The following SIRT6 variants were observed in gnomAD, a reference collection of about 807,000 sequenced individuals.
SIRT6 encodes the protein NAD-dependent protein deacylase sirtuin-6.
Under a neutral mutation model 33.6 loss-of-function variants are expected in SIRT6, and 21 were observed. The ratio of observed to expected loss-of-function variants is 0.62; its 90% confidence interval spans 0.44 to 0.90. SIRT6 has a LOEUF of 0.90. SIRT6 is among the 40% of genes least tolerant of loss of function. The pLI is 0.00. For synonymous variants in SIRT6, 221 were observed against 223.9 expected (o/e 0.99, Z 0.12); for missense variants, 504 against 510.6 (o/e 0.99, Z 0.12).
intron 3 of SIRT6, among the ~76,000 whole-genome samples, chr19:4,177,750 C>T (rs374822319): frequency 5.0e-4 from 76 of 152,030 alleles, no homozygotes; most frequent in African/African-American, 1.7e-3. Flanking sequence ...GCCACCACGC[C>T]GGGCTAATTT....
At chr19:4,179,783 G>A (rs967812958) in intron 2 of SIRT6, among the ~76,000 whole-genome samples, 5 of 152,234 alleles carry the variant, frequency 3.3e-5, no homozygotes, top group Non-Finnish European at 4.4e-5. Flanking sequence ...TGGAGGTGGG[G>A]GCCCTGGGGC....
Position 4,174,919 on chromosome 19 carries a change from C to T in SIRT6, c.766G>A (p.Gly256Ser). The change falls in exon 8 of 8, where the codon GGC (glycine) becomes AGC (serine). Residue 256 changes from glycine to serine, a missense_variant. Physicochemically the swap from Gly to Ser is moderately conservative, Grantham distance 56. Transcript: ENST00000337491. The surrounding 1 kb of genome is among the most constrained non-coding windows in gnomAD (Gnocchi z 4.2). Reference protein sequence around the residue: ...HDRHADLRIHGYVDEVMTRLM... With the variant: ...HDRHADLRIHSYVDEVMTRLM... The stretch of plus-strand genomic sequence containing the variant: ...CGGGTCATGACCTCGTCAACGTAGC[C>T]ATGGATGCGGAGGTCAGCATGGCGG... 1 of 1,606,402 alleles carries T rather than the reference C, an allele frequency of 6.2e-7. No individual in the cohort carries two copies. The highest frequency in any genetic ancestry group is 8.5e-7 in the Non-Finnish European group (1 of 1,179,732).
intron 4 of SIRT6, among the ~76,000 whole-genome samples, chr19:4,176,748 C>T (rs1967325271): frequency 6.6e-6 from 1 of 152,152 alleles, no homozygotes; most frequent in Non-Finnish European, 1.5e-5. Context: ...TTTTGGACTT[C>T]TGGTCCCCAG....
chr19:4,181,605 G>A (rs1296811711), intron 1 of SIRT6, among the ~76,000 whole-genome samples: 1 of 152,150 alleles, frequency 6.6e-6, no homozygotes, highest in African/African-American at 2.4e-5. Flanking sequence ...TGGCCAACAT[G>A]GTGAAACCCC....
intron 3 of SIRT6, among the ~76,000 whole-genome samples, chr19:4,177,965 C>T (rs561297105): frequency 1.3e-4 from 20 of 151,952 alleles, no homozygotes; most frequent in African/African-American, 3.9e-4. Flanking sequence ...CCTCATGATC[C>T]GCCCGCCTTG....
At chr19:4,181,088 G>C (rs973151749) in intron 1 of SIRT6, among the ~76,000 whole-genome samples, 179 bp from the exon 2 acceptor site, 3 of 152,146 alleles carry the variant, frequency 2.0e-5, no homozygotes, top group Non-Finnish European at 4.4e-5. Flanking sequence ...CACCTGCCTT[G>C]TCAAAGCCCT....
chr19:4,175,996 C>T (rs1239495975), intron 4 of SIRT6, 59 bp from the exon 5 acceptor site: 3 of 1,468,640 alleles, frequency 2.0e-6, no homozygotes, highest in African/African-American at 2.8e-5. Context: ...GTGACTCTCG[C>T]ACTGTTTCTA....
chr19:4,174,653 G>A lies in SIRT6; in HGVS notation c.1032C>T (p.Pro344=). ...ERPTSPAPHR[P]PKRVKAKAVP... ...CCGCCTTGGCCTTCACCCTTTTGGGGGGTCTGTGGGGGGCAGGGCTGGTGG... is the reference window on the plus strand; with the variant it reads ...CCGCCTTGGCCTTCACCCTTTTGGGAGGTCTGTGGGGGGCAGGGCTGGTGG... The change falls in exon 8 of 8, where the codon CCC becomes CCT. Residue 344 remains proline (P), a synonymous_variant. Transcript: ENST00000337491. The surrounding 1 kb of genome is among the most constrained non-coding windows in gnomAD (Gnocchi z 4.2). The A allele has an allele frequency of 6.9e-7, 1 of 1,452,372 alleles. No individual in the cohort carries two copies. Among genetic ancestry groups the A allele is most frequent in the Non-Finnish European group, 9.1e-7 (1 of 1,099,898 alleles). 90.0% of individuals were successfully genotyped at this position (1,452,372 alleles called of 1,614,324 possible). A position where few individuals can be genotyped will look rare whatever the true frequency, so the allele number is the denominator to read the frequency against.
rs1967486201 is a variant in SIRT6, at chr19:4,179,252, C to G, written c.229G>C (p.Gly77Arg). The G allele has an allele frequency of 6.2e-7, 1 of 1,607,646 alleles. No individual in the cohort carries two copies. The highest frequency in any genetic ancestry group is 8.5e-7 in the Non-Finnish European group (1 of 1,177,634). The part of the protein sequence containing the change: ...PHGVWTMEER[G>R]LAPKFDTTFE... ...GTGGTGTCGAACTTGGGGGCCAGAC[C>G]TCGCTCCTCCATGGTCCAGACTCCG... is the stretch of plus-strand genomic sequence containing the variant. Residue 77 changes from glycine (G) to arginine (R), a missense_variant, in exon 3 of 8, where the codon GGT becomes CGT. Coordinates refer to ENST00000337491, the MANE Select transcript of SIRT6 (RefSeq NM_016539.4).
chr19:4,174,347 G>A lies in SIRT6; in HGVS notation c.*270C>T, dbSNP rs73918057. ...TAAGCTGGAGACCAGGGAGGGCCCA[G>A]CCTCACCTCTGGACAACACAGCAAG... is the stretch of plus-strand genomic sequence containing the variant. On this transcript the variant is annotated 3_prime_UTR_variant, in exon 8 of 8. Transcript: ENST00000337491. This position sits in a 1 kb window ranked among gnomAD's most constrained non-coding sequence, Gnocchi z 4.2. 3.2e-4 allele frequency: 110 copies of A among 342,634 alleles called. No homozygotes were observed. Among genetic ancestry groups the A allele is most frequent in the African/African-American group, 2.2e-3 (103 of 47,278 alleles). The allele number at this position is 342,634 out of a possible 1,614,324, so 21.2% of individuals were successfully genotyped here.
chr19:4,174,817 G>GCCCCCCCCCCCCCCCCCCCC lies in SIRT6; in HGVS notation c.867_868insGGGGGGGGGGGGGGGGGGGG (p.Pro290GlyfsTer66). On this transcript the variant is annotated frameshift_variant, in exon 8 of 8. Coordinates refer to ENST00000337491, the MANE Select transcript of SIRT6 (RefSeq NM_016539.4). LOFTEE classifies it low-confidence loss of function (END_TRUNC). This position sits in a 1 kb window ranked among gnomAD's most constrained non-coding sequence, Gnocchi z 4.2. ...TCCAGCTTGGGGGTGGGCGGGCGGGGCAGGGGTGGCAGCGCCCTCTCCAGC... is the reference window on the plus strand; with the variant it reads ...TCCAGCTTGGGGGTGGGCGGGCGGGGCCCCCCCCCCCCCCCCCCCCCAGGGGTGGCAGCGCCCTCTCCAGC... The GCCCCCCCCCCCCCCCCCCCC allele has an allele frequency of 2.2e-6, 1 of 447,468 alleles. No homozygotes were observed. The allele number at this position is 447,468 out of a possible 1,614,324, so 27.7% of individuals were successfully genotyped here.
Position 4,182,459 on chromosome 19 carries a change from C to A in SIRT6, c.66+15G>T, listed in dbSNP as rs55716500. The stretch of plus-strand genomic sequence containing the variant: ...GCCCTGGGGCGCGATGCTCGGGACC[C>A]TCAGACGCGCTCACCTCCGGGAGGC... On this transcript the variant is annotated intron_variant, in intron 1 of 7. Coordinates refer to ENST00000337491, the MANE Select transcript of SIRT6 (RefSeq NM_016539.4). 1.9e-6 allele frequency: 3 copies of A among 1,606,940 alleles called. No homozygotes were observed. The South Asian group carries it at 3.3e-5, about 18-fold the overall frequency.
chr19:4,177,018 C>G, intron 4 of SIRT6, 61 bp downstream of exon 4: 1 of 1,478,198 alleles, frequency 6.8e-7, no homozygotes, highest in South Asian at 1.2e-5. Context: ...TCTGGGACAT[C>G]GGATTCGACC....
In SIRT6 at chr19:4,176,070, G is replaced by C; in HGVS notation, c.438-133C>G. 3 of 680,010 alleles carry C rather than the reference G, an allele frequency of 4.4e-6. No homozygotes were observed. In the South Asian group the frequency reaches 5.5e-5, roughly 13 times the overall value. The allele number at this position is 680,010 out of a possible 1,614,324, so 42.1% of individuals were successfully genotyped here. ...GACCAGAACTAGCACCCAGCGACAC[G>C]GAACGAGTAGCCTTCCATGAATAAC... is the stretch of plus-strand genomic sequence containing the variant. On this transcript the variant is annotated intron_variant, in intron 4 of 7. Transcript: ENST00000337491.
In SIRT6 at chr19:4,175,881, A is replaced by G. The variant is rs1176667330; in HGVS notation, c.494T>C (p.Leu165Pro). 1 of 1,567,720 alleles carries G rather than the reference A, an allele frequency of 6.4e-7. No individual in the cohort carries two copies. The highest frequency in any genetic ancestry group is 1.9e-5 in the Admixed American group (1 of 52,470). Residue 165 changes from leucine to proline, a missense_variant, in exon 5 of 8, where the codon CTC (leucine) becomes CCC (proline). Transcript: ENST00000337491. ...CCCCCTTGCCTTAGCCACGGTGCAG[A>G]GCCGGCCCGTGGCCTTCAGGCCCAT... ...GTMGLKATGRLCTVAKARGLR... is the reference protein window; with the variant it reads ...GTMGLKATGRPCTVAKARGLR...
In SIRT6 at chr19:4,175,747, C is replaced by A; in HGVS notation, c.547G>T (p.Asp183Tyr). 1 of 1,584,352 alleles carries A rather than the reference C, an allele frequency of 6.3e-7. No homozygotes were observed. The highest frequency in any genetic ancestry group is 1.7e-4 in the Middle Eastern group (1 of 5,824). ...GLRACRGELRDTILDWEDSLP... is the reference protein window; with the variant it reads ...GLRACRGELRYTILDWEDSLP... ...GAGTCCTCCCAGTCTAGGATGGTGT[C>A]CCTCAGCTCTCCCCTGCAATGAGGA... Residue 183 changes from aspartate to tyrosine, a missense_variant, in exon 6 of 8, where the codon GAC (aspartate) becomes TAC (tyrosine). Physicochemically the swap from Asp to Tyr is radical, Grantham distance 160. Coordinates refer to ENST00000337491, the MANE Select transcript of SIRT6 (RefSeq NM_016539.4).
rs753676644 is a variant in SIRT6, at chr19:4,179,091, G to A, written c.377+13C>T. On this transcript the variant is annotated intron_variant, in intron 3 of 7. Coordinates refer to ENST00000337491, the MANE Select transcript of SIRT6 (RefSeq NM_016539.4). ...CCCCAAGCTCTTTTGTGGGGGCGGG[G>A]CCAGGGTGTTACCTGGGGAAGCCTG... The A allele has an allele frequency of 2.5e-5, 41 of 1,610,442 alleles. No homozygotes were observed. The highest frequency in any genetic ancestry group is 3.4e-5 in the Non-Finnish European group (40 of 1,179,578).
At chr19:4,179,068 C>T in intron 3 of SIRT6, 36 bp downstream of exon 3, 2 of 1,605,910 alleles carry the variant, frequency 1.2e-6, no homozygotes, top group Non-Finnish European at 8.5e-7. Context: ...TTGTGGGGCC[C>T]CAAGCTCTTT....
At chr19:4,180,968 C>T (rs886582633) in intron 1 of SIRT6, 59 bp from the exon 2 acceptor site, 130 of 1,510,170 alleles carry the variant, frequency 8.6e-5, no homozygotes, top group African/African-American at 2.7e-4. Flanking sequence ...GGCAAGGCCA[C>T]GCACGAGCCA....
Sources: allele counts gnomAD v4.1 joint callset (sites outside exome capture counted in the v4.1 genomes callset), GRCh38; gene constraint gnomAD v4.1.1; non-coding constraint Gnocchi (gnomAD v3.1); transcripts MANE v1.5; gene names NCBI Gene and HGNC (gene_info 2026-07-23, HGNC 2026-07-21).